COMMD1: variants seen among roughly 807,000 people sequenced by gnomAD.
The protein encoded by COMMD1 is COMM domain-containing protein 1.
A neutral mutation model predicts 17.2 loss-of-function variants in COMMD1; 10 were observed. The observed-to-expected ratio is 0.58, with a 90% CI of 0.36 to 0.99. The LOEUF (loss-of-function observed/expected upper bound fraction) is 0.99, where lower values mean the gene tolerates loss of function less well. Ranked by LOEUF, COMMD1 falls within the 50% of genes least tolerant of loss-of-function variation. The pLI, the probability that COMMD1 is intolerant of heterozygous loss-of-function variation, is 0.01. For synonymous variants in COMMD1, 97 were observed against 91.6 expected (o/e 1.06, Z -0.34); for missense variants, 270 against 231.8 (o/e 1.17, Z -1.07).
upstream of COMMD1, chr2:61,888,518 G>A (rs962873668): frequency 4.3e-6 from 7 of 1,609,984 alleles, no homozygotes; most frequent in South Asian, 3.3e-5. Context: ...GGCAAACTCC[G>A]CTGTGTCTGG....
intron 2 of COMMD1, among the ~76,000 whole-genome samples, chr2:62,071,653 A>G (rs1023181819): frequency 6.6e-6 from 1 of 152,188 alleles, no homozygotes; most frequent in African/African-American, 2.4e-5. Context: ...AAAAGAAAAA[A>G]TAATTATAAA....
intron 1 of COMMD1, among the ~76,000 whole-genome samples, chr2:61,997,380 A>G (rs935790108): frequency 6.6e-6 from 1 of 152,020 alleles, no homozygotes; most frequent in Non-Finnish European, 1.5e-5. Flanking sequence ...ATTTCTTAAA[A>G]AAAAAAAAGA....
intron 1 of COMMD1, among the ~76,000 whole-genome samples, chr2:61,979,806 G>T: frequency 6.9e-6 from 1 of 145,906 alleles, no homozygotes; most frequent in African/African-American, 2.6e-5. Flanking sequence ...GTGCAGGTTA[G>T]TTACATATGT....
At chr2:62,066,767 C>A (rs1671060171) in intron 2 of COMMD1, among the ~76,000 whole-genome samples, 1 of 151,582 alleles carries the variant, frequency 6.6e-6, no homozygotes, top group Non-Finnish European at 1.5e-5. Flanking sequence ...GCTCTGTCAC[C>A]CAGGCTGGAG....
intron 1 of COMMD1, among the ~76,000 whole-genome samples, chr2:61,976,062 T>C (rs1005808072): frequency 6.6e-5 from 10 of 152,192 alleles, no homozygotes; most frequent in African/African-American, 2.4e-4. Flanking sequence ...TATTGAATTC[T>C]CCAACTATAA....
At chr2:61,948,937 G>C (rs889589355) in intron 1 of COMMD1, among the ~76,000 whole-genome samples, 1 of 152,154 alleles carries the variant, frequency 6.6e-6, no homozygotes, top group Admixed American at 6.6e-5. Context: ...GGGTCTCAGA[G>C]GAGCCAGCTT....
In COMMD1 at chr2:62,000,787, C is replaced by T. The variant is rs1668912039; in HGVS notation, c.267C>T (p.Asp89=). The T allele has an allele frequency of 6.2e-7, 1 of 1,614,004 alleles. No individual in the cohort carries two copies. Among genetic ancestry groups the T allele is most frequent in the Admixed American group, 1.7e-5 (1 of 59,994 alleles). The change falls in exon 2 of 3, where the codon GAC becomes GAT. Residue 89 remains aspartate (D), a synonymous_variant. Coordinates refer to ENST00000311832, the MANE Select transcript of COMMD1 (RefSeq NM_152516.4). ...AAAAGCAAGGTGGGATCACATCTGA[C>T]CAAGCTGCTGTCATTTCCAAATTCT... is the stretch of plus-strand genomic sequence containing the variant. The part of the protein sequence containing the change: ...QTKKQGGITS[D]QAAVISKFWK...
intron 1 of COMMD1, among the ~76,000 whole-genome samples, chr2:61,963,190 T>TATATACACAC (rs1280301014): frequency 7.3e-5 from 10 of 136,372 alleles, no homozygotes; most frequent in African/African-American, 2.9e-4. Context: ...ATATATTATA[T>TATATACACAC]ACACACACAC....
chr2:61,901,298 A>G (rs1669650897), upstream of COMMD1, among the ~76,000 whole-genome samples: 1 of 152,088 alleles, frequency 6.6e-6, no homozygotes, highest in Non-Finnish European at 1.5e-5. Flanking sequence ...TCTGCAATGT[A>G]GAATACACAT....
chr2:62,064,623 A>G (rs1388073968), intron 2 of COMMD1, among the ~76,000 whole-genome samples: 2 of 152,134 alleles, frequency 1.3e-5, no homozygotes, highest in East Asian at 1.9e-4. Context: ...AGAAGTCTCA[A>G]TTCCCTCTCT....
intron 1 of COMMD1, among the ~76,000 whole-genome samples, chr2:61,987,541 C>T (rs1341352191): frequency 6.6e-6 from 1 of 152,182 alleles, no homozygotes; most frequent in African/African-American, 2.4e-5. Context: ...TAAACAGAGT[C>T]ACTTTCTCTG....
At chr2:61,909,963 T>G (rs777227578) in intron 1 of COMMD1, among the ~76,000 whole-genome samples, 1 of 152,202 alleles carries the variant, frequency 6.6e-6, no homozygotes, top group African/African-American at 2.4e-5. Flanking sequence ...TCCTGGCTTT[T>G]GTACTGGTTC....
At chr2:61,920,981 A>ATATTT (rs749403795) in intron 1 of COMMD1, among the ~76,000 whole-genome samples, 2 of 141,388 alleles carry the variant, frequency 1.4e-5, no homozygotes, top group Non-Finnish European at 1.5e-5. Context: ...ATATATATAT[A>ATATTT]TTTTTTTTTT....
At chr2:62,024,026 A>T (rs940039305) in intron 2 of COMMD1, among the ~76,000 whole-genome samples, 1 of 152,214 alleles carries the variant, frequency 6.6e-6, no homozygotes, top group Admixed American at 6.5e-5. Flanking sequence ...TCTAAATTTT[A>T]AAAAAATGTT....
At chr2:61,994,388 T>G (rs1375564506) in intron 1 of COMMD1, among the ~76,000 whole-genome samples, 1 of 152,226 alleles carries the variant, frequency 6.6e-6, no homozygotes, top group African/African-American at 2.4e-5. Context: ...TGAAATATCT[T>G]TAATGTACCA....
chr2:62,100,674 G>C (rs909273110), intron 2 of COMMD1, among the ~76,000 whole-genome samples: 1 of 152,166 alleles, frequency 6.6e-6, no homozygotes, highest in Non-Finnish European at 1.5e-5. Flanking sequence ...GAAATGTCCA[G>C]GTTAAGGTAA....
At chr2:61,949,042 A>C (rs1670985474) in intron 1 of COMMD1, among the ~76,000 whole-genome samples, 1 of 152,234 alleles carries the variant, frequency 6.6e-6, no homozygotes, top group Non-Finnish European at 1.5e-5. Context: ...TGGAGGCAGG[A>C]GGATCACTTG....
chr2:62,007,524 G>A (rs1333605853), intron 2 of COMMD1, among the ~76,000 whole-genome samples: 2 of 152,174 alleles, frequency 1.3e-5, no homozygotes, highest in South Asian at 2.1e-4. Flanking sequence ...ATATACGATA[G>A]TTGTCCCATA....
Position 62,102,201 on chromosome 2 carries a change from T to C in COMMD1, c.463-33630T>C, listed in dbSNP as rs893853182. ...ACCTGAAGTATGAAGTCCTAATGCC[T>C]TATGACATCTCACGTTGACTATAAA... On this transcript the variant is annotated intron_variant, in intron 2 of 2. Transcript: ENST00000311832. 4.6e-5 allele frequency among the ~76,000 whole-genome samples: 7 copies of C among 152,218 alleles called. 1 individual carries two copies. Among genetic ancestry groups the C allele is most frequent in the African/African-American group, 9.6e-5 (4 of 41,460 alleles).
Sources: allele counts gnomAD v4.1 joint callset (sites outside exome capture counted in the v4.1 genomes callset), GRCh38; gene constraint gnomAD v4.1.1; transcripts MANE v1.5; gene names NCBI Gene and HGNC (gene_info 2026-07-23, HGNC 2026-07-21).